TNC: variants seen among roughly 807,000 people sequenced by gnomAD.
TNC encodes tenascin.
In TNC, 109 loss-of-function variants were observed where a neutral mutation model predicts 202.4. That is an observed-to-expected ratio of 0.54 (90% CI 0.46 to 0.63). The LOEUF (loss-of-function observed/expected upper bound fraction) is 0.63. Ranked by LOEUF, TNC falls within the 30% of genes least tolerant of loss-of-function variation. The pLI is 0.00. For synonymous variants in TNC, 1,007 were observed against 1,089.7 expected, an observed-to-expected ratio of 0.92 and a Z score of 1.50; for missense variants, 2,756 against 2,833.3, an observed-to-expected ratio of 0.97 and a Z score of 0.62.
intron 12 of TNC, among the ~76,000 whole-genome samples, 195 bp from the exon 13 acceptor site, chr9:115,063,384 G>C (rs560366272): frequency 6.6e-6 from 1 of 152,276 alleles, no homozygotes; most frequent in South Asian, 2.1e-4. Flanking sequence ...CAGCTTTTGG[G>C]AATGAAAAGT....
chr9:115,064,104 TCACACAACA>T, intron 11 of TNC, 36 bp from the exon 12 acceptor site: 1 of 1,549,354 alleles, frequency 6.5e-7, no homozygotes, highest in Non-Finnish European at 8.7e-7. Flanking sequence ...AGTGATCAAA[TCACACAACA>T]AGATCCAGGG....
intron 1 of TNC, among the ~76,000 whole-genome samples, chr9:115,095,447 T>TATATATATATGTATATATATATAC (rs1835572910): frequency 5.0e-5 from 5 of 99,620 alleles, no homozygotes; most frequent in Admixed American, 4.9e-4. Context: ...GTGGTATGTG[T>TATATATATATGTATATATATATAC]ATATATATAT....
At chr9:115,070,257 T>G (rs962628870) in intron 10 of TNC, among the ~76,000 whole-genome samples, 2 of 152,218 alleles carry the variant, frequency 1.3e-5, no homozygotes, top group African/African-American at 4.8e-5. Flanking sequence ...AGAAGCCCTC[T>G]GTTCTGGGTC....
intron 13 of TNC, among the ~76,000 whole-genome samples, chr9:115,061,376 C>A (rs192572600): frequency 1.3e-5 from 2 of 152,288 alleles, no homozygotes; most frequent in East Asian, 3.9e-4. Flanking sequence ...CCAAGAACAG[C>A]TGTTCACTTA....
intron 7 of TNC, 51 bp downstream of exon 7, chr9:115,077,892 A>C: frequency 4.1e-5 from 63 of 1,525,054 alleles, no homozygotes; most frequent in East Asian, 9.3e-5. Flanking sequence ...TGGGATGGAA[A>C]TCTTTCAATC....
Position 115,029,429 on chromosome 9 carries a change from C to T in TNC, c.6100G>A (p.Glu2034Lys), listed in dbSNP as rs771557507. ...GCCTTCCAGTTTTGGTAGAAGTTCT[C>T]GCGTCCGTTTTTGCGTCTCAGGAAC... is the stretch of plus-strand genomic sequence containing the variant. ...IVFLRRKNGR[E>K]NFYQNWKAYA... Residue 2034 changes from glutamate to lysine, a missense_variant, in exon 25 of 28, where the codon GAG becomes AAG. Physicochemically the swap from Glu to Lys is moderately conservative, Grantham distance 56. Around this residue, in one of 2 missense-constraint regions of TNC, gnomAD observed 197 missense variants for 287.3 expected, o/e 0.69. Coordinates refer to ENST00000350763, the MANE Select transcript of TNC (RefSeq NM_002160.4). The T allele has an allele frequency of 5.0e-6, 8 of 1,614,088 alleles. 1 individual carries two copies. The highest frequency in any genetic ancestry group is 4.5e-5 in the East Asian group (2 of 44,872).
intron 14 of TNC, among the ~76,000 whole-genome samples, chr9:115,058,829 ACTGTGTCAGAGGAAGG>A (rs1564451001): frequency 6.6e-6 from 1 of 152,202 alleles, no homozygotes; most frequent in Non-Finnish European, 1.5e-5. Context: ...GCAACGGAAA[ACTGTGTCAGAGGAAGG>A]CTGCTGACTT....
At chr9:115,117,370 T>C (rs1157377352) in intron 1 of TNC, among the ~76,000 whole-genome samples, 2 of 152,304 alleles carry the variant, frequency 1.3e-5, no homozygotes, top group East Asian at 3.9e-4. Context: ...CCAGTAAAGC[T>C]GTTCTCCACC....
Position 115,112,094 on chromosome 9 carries a change from G to C in TNC, c.-137+5888C>G, listed in dbSNP as rs148480758. Among the ~76,000 whole-genome samples, 958 of 152,272 alleles carry C rather than the reference G, an allele frequency of 6.3e-3. 8 individuals carry two copies. The highest frequency in any genetic ancestry group is 0.022 in the African/African-American group (910 of 41,550). On this transcript the variant is annotated intron_variant, in intron 1 of 27. Coordinates refer to ENST00000350763, the MANE Select transcript of TNC (RefSeq NM_002160.4). ...ATACTAGTCATCCTTGGCTCGGTCC[G>C]TGTGAGTTAAGGCTGTTGAGAGAAT...
At chr9:115,081,380 T>G (rs575655199) in intron 6 of TNC, among the ~76,000 whole-genome samples, 1 of 152,326 alleles carries the variant, frequency 6.6e-6, no homozygotes, top group South Asian at 2.1e-4. Context: ...AAATATAAAC[T>G]GGCCGTGGGA....
At chr9:115,064,138 G>T in intron 11 of TNC, 70 bp from the exon 12 acceptor site, 2 of 1,385,292 alleles carry the variant, frequency 1.4e-6, no homozygotes, top group African/African-American at 2.9e-5. Context: ...TTTAACACAA[G>T]AATAAGCTGA....
intron 13 of TNC, among the ~76,000 whole-genome samples, chr9:115,061,124 G>T (rs1161910225): frequency 6.6e-6 from 1 of 152,182 alleles, no homozygotes; most frequent in African/African-American, 2.4e-5. Flanking sequence ...GTGGCCATGG[G>T]TTAGAAGTTA....
chr9:115,077,993 G>A lies in TNC; in HGVS notation c.2624C>T (p.Ser875Phe). 2 of 1,614,224 alleles carry A rather than the reference G, an allele frequency of 1.2e-6. No homozygotes were observed. Among genetic ancestry groups the A allele is most frequent in the Non-Finnish European group, 1.7e-6 (2 of 1,180,030 alleles). The change falls in exon 7 of 28, where the codon TCC (serine) becomes TTC (phenylalanine). Residue 875 changes from serine to phenylalanine, a missense_variant. By Grantham distance (155) the Ser-to-Phe change is radical. Around this residue, in one of 2 missense-constraint regions of TNC, gnomAD observed 2,559 missense variants for 2,546.0 expected, o/e 1.01. Coordinates refer to ENST00000350763, the MANE Select transcript of TNC (RefSeq NM_002160.4). ...PDTEYEVSLISRRGDMSSNPA... is the reference protein window; with the variant it reads ...PDTEYEVSLIFRRGDMSSNPA... ...GTTGCTTGACATGTCACCTCTGCGG[G>A]AGATGAGGGACACCTCGTACTCAGT...
intron 12 of TNC, 22 bp downstream of exon 12, chr9:115,063,774 T>G (rs1395882333): frequency 4.4e-6 from 7 of 1,597,100 alleles, no homozygotes; most frequent in Non-Finnish European, 6.0e-6. Flanking sequence ...AGGAAGTGAA[T>G]TAGTGAATTC....
At chr9:115,080,320 T>TG (rs11377573) in intron 6 of TNC, among the ~76,000 whole-genome samples, 89,669 of 151,902 alleles carry the variant, frequency 0.59, 27,096 homozygotes, top group African/African-American at 0.71. Context: ...GGTGATCTAA[T>TG]GATTTTTTTT....
chr9:115,110,278 A>G (rs1328209209), intron 1 of TNC, among the ~76,000 whole-genome samples: 1 of 152,254 alleles, frequency 6.6e-6, no homozygotes, highest in South Asian at 2.1e-4. Flanking sequence ...GGATCTGTTT[A>G]GAGACCAGAA....
intron 27 of TNC, 123 bp downstream of exon 27, chr9:115,023,847 ATGT>A: frequency 4.4e-6 from 5 of 1,131,412 alleles, no homozygotes; most frequent in East Asian, 2.4e-5. Context: ...TGGGAAAAAC[ATGT>A]TGTCATACAA....
intron 10 of TNC, among the ~76,000 whole-genome samples, chr9:115,071,429 A>G (rs953001209): frequency 1.3e-5 from 2 of 152,212 alleles, no homozygotes; most frequent in African/African-American, 4.8e-5. Context: ...GAATGCCAAT[A>G]TGGGGCTCTC....
chr9:115,028,043 T>A (rs1433766323), intron 25 of TNC, among the ~76,000 whole-genome samples: 1 of 152,204 alleles, frequency 6.6e-6, no homozygotes, highest in Non-Finnish European at 1.5e-5. Context: ...TATAGGTAAC[T>A]GGAACTTCTA....
Sources: gnomAD v4.1 joint callset for allele counts (sites outside exome capture counted in the v4.1 genomes callset) on GRCh38, gnomAD v4.1.1 for gene constraint, gnomAD v4.1.1 regional missense constraint, MANE v1.5 for transcripts, NCBI Gene and HGNC (gene_info 2026-07-23, HGNC 2026-07-21) for gene names.